Variants in EIF4A3 observed in about 807,000 individuals in gnomAD.
EIF4A3 encodes eukaryotic translation initiation factor 4A3.
Under a neutral mutation model 55.6 loss-of-function variants are expected in EIF4A3, and 1 was observed. The ratio of observed to expected loss-of-function variants is 0.02; its 90% CI spans 0.01 to 0.09. The LOEUF is 0.09. Ranked by LOEUF, EIF4A3 falls within the 10% of genes least tolerant of loss-of-function variation. The pLI is 1.00. For synonymous variants in EIF4A3, 194 were observed against 196.3 expected (o/e 0.99, Z 0.10); for missense variants, 221 against 540.7 (o/e 0.41, Z 5.86).
In EIF4A3 at chr17:80,144,296, C is replaced by T. The variant is rs145524954; in HGVS notation, c.170-52G>A. On this transcript the variant is annotated intron_variant, in intron 1 of 11. Coordinates refer to ENST00000649764, the MANE Select transcript of EIF4A3 (RefSeq NM_014740.4). The stretch of plus-strand genomic sequence containing the variant: ...CTCACCACAATGACAGCATAGAAAC[C>T]CTGTACTGTGAGCTCCTCAGGGGCA... 1,165 of 1,554,914 alleles carry T rather than the reference C, an allele frequency of 7.5e-4. 3 individuals are homozygous for T. The African/African-American group carries it at 0.013, about 18-fold the overall frequency.
At chr17:80,146,723 GTCTGGCCC>G in intron 1 of EIF4A3, 62 bp downstream of exon 1, 1 of 1,536,836 alleles carries the variant, frequency 6.5e-7, no homozygotes, top group Non-Finnish European at 8.7e-7. Context: ...GGAGTCACCA[GTCTGGCCC>G]TCAGCCCCCG....
At position 80,145,575 on chromosome 17, in the gene EIF4A3, G is replaced by A. The variant is rs565602894; in HGVS notation, c.169+1218C>T. Among the ~76,000 whole-genome samples, 17 of 152,192 alleles carry A rather than the reference G, an allele frequency of 1.1e-4. No homozygotes were observed. In the South Asian group the frequency reaches 2.9e-3, roughly 26 times the overall value. ...GCAGGACTGTCAGAAGGAAAAGGAA[G>A]AAAGAAAAGGAAGAGAACTACAGGA... On this transcript the variant is annotated intron_variant, in intron 1 of 11. Transcript: ENST00000649764.
chr17:80,142,172 C>G (rs1486043600), intron 2 of EIF4A3, among the ~76,000 whole-genome samples: 2 of 152,192 alleles, frequency 1.3e-5, no homozygotes, highest in Non-Finnish European at 2.9e-5. Flanking sequence ...GGATTTTGGA[C>G]TAACTCTCTC....
intron 4 of EIF4A3, among the ~76,000 whole-genome samples, chr17:80,141,052 C>T (rs1211581898): frequency 6.6e-6 from 1 of 152,070 alleles, no homozygotes; most frequent in East Asian, 1.9e-4. Flanking sequence ...CCACCTCGAC[C>T]TAATTTATTT....
At chr17:80,137,324 T>C in intron 9 of EIF4A3, 62 bp downstream of exon 9, 4 of 1,447,506 alleles carry the variant, frequency 2.8e-6, no homozygotes, top group Admixed American at 1.9e-5. Context: ...GCGGTACATA[T>C]GAAGTGCTTA....
intron 1 of EIF4A3, 115 bp downstream of exon 1, chr17:80,146,678 C>G (rs1326453492): frequency 5.3e-6 from 7 of 1,314,988 alleles, no homozygotes; most frequent in Non-Finnish European, 7.1e-6. Flanking sequence ...GAGCCTCGAC[C>G]CTGACCACGA....
Position 80,135,387 on chromosome 17 carries a change from G to T in EIF4A3, c.*103C>A. 12 of 1,369,686 alleles carry T rather than the reference G, an allele frequency of 8.8e-6. No homozygotes were observed. The South Asian group carries it at 1.3e-4, about 15-fold the overall frequency. 84.8% of individuals were successfully genotyped at this position (1,369,686 alleles called of 1,614,324 possible). ...GGAGACGGCAGGCCATTTATGAGAA[G>T]AAAGTCCATATAAACCCCATTAAGT... On this transcript the variant is annotated 3_prime_UTR_variant, in exon 12 of 12. Transcript: ENST00000649764.
Position 80,135,387 on chromosome 17 carries a change from G to A in EIF4A3, c.*103C>T, listed in dbSNP as rs1323826721. 2 of 1,369,568 alleles carry A rather than the reference G, an allele frequency of 1.5e-6. No homozygotes were observed. The highest frequency in any genetic ancestry group is 1.9e-6 in the Non-Finnish European group (2 of 1,025,828). The allele number at this position is 1,369,568 out of a possible 1,614,324, so 84.8% of individuals were successfully genotyped here. A position where few individuals can be genotyped will look rare whatever the true frequency, so the allele number is the denominator to read the frequency against. ...GGAGACGGCAGGCCATTTATGAGAAGAAAGTCCATATAAACCCCATTAAGT... is the reference window on the plus strand; with the variant it reads ...GGAGACGGCAGGCCATTTATGAGAAAAAAGTCCATATAAACCCCATTAAGT... On this transcript the variant is annotated 3_prime_UTR_variant, in exon 12 of 12. Coordinates refer to ENST00000649764, the MANE Select transcript of EIF4A3 (RefSeq NM_014740.4).
At position 80,137,388 on chromosome 17, in the gene EIF4A3, G is replaced by A; in HGVS notation, c.981C>T (p.Ala327=). Reference sequence around the variant, plus strand: ...GAGCCACAGCATAGCAGACCCACCTGGCGCCCGACCGGAACTCCTTCATGA... The same window carrying A: ...GAGCCACAGCATAGCAGACCCACCTAGCGCCCGACCGGAACTCCTTCATGA... ...ESIMKEFRSG[A]SRVLISTDVW... The change falls in exon 9 of 12, where the codon GCC becomes GCT. Residue 327 remains alanine (A), a splice_region_variant and synonymous_variant. Transcript: ENST00000649764. 6.2e-7 allele frequency: 1 copy of A among 1,613,188 alleles called. No individual in the cohort carries two copies.
At chr17:80,139,201 C>T (rs771468313) in intron 6 of EIF4A3, 39 bp from the exon 7 acceptor site, 57 of 1,607,718 alleles carry the variant, frequency 3.5e-5, no homozygotes, top group Non-Finnish European at 4.4e-5. Flanking sequence ...ATGTTTAGGG[C>T]GGCACACCCA....
At chr17:80,142,191 A>G (rs1383180556) in intron 2 of EIF4A3, among the ~76,000 whole-genome samples, 3 of 152,244 alleles carry the variant, frequency 2.0e-5, no homozygotes, top group Non-Finnish European at 4.4e-5. Context: ...TCTTCCAAAG[A>G]AATTTTTGTG....
chr17:80,142,969 G>A (rs1484602128), intron 2 of EIF4A3, among the ~76,000 whole-genome samples: 1 of 152,162 alleles, frequency 6.6e-6, no homozygotes, highest in Non-Finnish European at 1.5e-5. Flanking sequence ...AGGCTGCTAT[G>A]AGCTGTAATC....
At chr17:80,143,173 G>A (rs1306210601) in intron 2 of EIF4A3, among the ~76,000 whole-genome samples, 1 of 152,176 alleles carries the variant, frequency 6.6e-6, no homozygotes, top group Non-Finnish European at 1.5e-5. Flanking sequence ...TGGGTTCGAA[G>A]AGCTTCTAGA....
chr17:80,144,057 A>G (rs1310985531), intron 2 of EIF4A3, 115 bp downstream of exon 2: 6 of 956,542 alleles, frequency 6.3e-6, no homozygotes, highest in Non-Finnish European at 1.0e-5. Flanking sequence ...AAGTCAGGGA[A>G]AGTGTTGGAA....
Position 80,139,648 on chromosome 17 carries a change from G to A in EIF4A3, c.586+22C>T, listed in dbSNP as rs375256854. The A allele has an allele frequency of 7.9e-4, 1,266 of 1,595,268 alleles. 1 individual carries two copies. Among genetic ancestry groups the A allele is most frequent in the Non-Finnish European group, 1.0e-3 (1,207 of 1,165,912 alleles). ...AACTAAGAATTATGTCAGTAGAAGA[G>A]TAATTCTTTTGTTGCTCATACCTTT... is the stretch of plus-strand genomic sequence containing the variant. On this transcript the variant is annotated intron_variant, in intron 6 of 11. Transcript: ENST00000649764.
In EIF4A3 at chr17:80,134,378, A is replaced by C. The variant is rs1374043167; in HGVS notation, c.*1112T>G. Among the ~76,000 whole-genome samples, 1 of 152,188 alleles carries C rather than the reference A, an allele frequency of 6.6e-6. No homozygotes were observed. Among genetic ancestry groups the C allele is most frequent in the Non-Finnish European group, 1.5e-5 (1 of 68,030 alleles). On this transcript the variant is annotated 3_prime_UTR_variant, in exon 12 of 12. Transcript: ENST00000649764. ...GTAATTACTTTAAATATTTCAACAG[A>C]TAACTTAAATACTTTAATAATTTAA...
rs528688506 is a variant in EIF4A3 at position 80,146,851 on chromosome 17, G to C, written c.111C>G (p.Thr37=). 2.1e-5 allele frequency: 34 copies of C among 1,611,800 alleles called. No homozygotes were observed. The highest frequency in any genetic ancestry group is 3.3e-4 in the Middle Eastern group (2 of 6,026). ...GCAGGCCCATGGTGTCGAACGTGGG[G>C]GTCACATCCACCTCCTCGCTGGTCT... ...EFETSEEVDV[T]PTFDTMGLRE... is the part of the protein sequence containing the mutation. The change falls in exon 1 of 12, where the codon ACC becomes ACG. Residue 37 remains threonine (T), a synonymous_variant. Coordinates refer to ENST00000649764, the MANE Select transcript of EIF4A3 (RefSeq NM_014740.4).
chr17:80,146,910 G>A lies in EIF4A3; in HGVS notation c.52C>T (p.Leu18Phe). 1.2e-6 allele frequency: 2 copies of A among 1,609,806 alleles called. No homozygotes were observed. Among genetic ancestry groups the A allele is most frequent in the Non-Finnish European group, 1.7e-6 (2 of 1,178,590 alleles). ...ACTTTAGTCATGTCTTCCTCTTTGA[G>A]CAGCCGCTTTCGCGCCGAGCCCGAG... is the stretch of plus-strand genomic sequence containing the variant. Reference protein sequence around the residue: ...ATSGSARKRLLKEEDMTKVEF... With the variant: ...ATSGSARKRLFKEEDMTKVEF... The change falls in exon 1 of 12, where the codon CTC becomes TTC. Residue 18 changes from leucine (L) to phenylalanine (F), a missense_variant. Physicochemically the swap from Leu to Phe is conservative, Grantham distance 22. Around this residue, in one of 4 missense-constraint regions of EIF4A3, gnomAD observed 43 missense variants for 39.1 expected, o/e 1.10. Coordinates refer to ENST00000649764, the MANE Select transcript of EIF4A3 (RefSeq NM_014740.4).
chr17:80,141,550 T>C, intron 3 of EIF4A3, 169 bp from the exon 4 acceptor site: 1 of 790,946 alleles, frequency 1.3e-6, no homozygotes, highest in East Asian at 2.7e-5. Flanking sequence ...AACAATAACT[T>C]AATGTGTCAG....
Sources: gnomAD v4.1 joint callset for allele counts (sites outside exome capture counted in the v4.1 genomes callset) on GRCh38, gnomAD v4.1.1 for gene constraint, gnomAD v4.1.1 regional missense constraint, MANE v1.5 for transcripts, NCBI Gene and HGNC (gene_info 2026-07-23, HGNC 2026-07-21) for gene names.